The following SLC24A2 variants were observed in gnomAD, a reference collection of about 807,000 sequenced individuals.
SLC24A2 encodes sodium/potassium/calcium exchanger 2.
SLC24A2 carries 36 observed loss-of-function variants against 62.0 expected under a neutral mutation model. The ratio of observed to expected loss-of-function variants is 0.58; its 90% CI spans 0.44 to 0.77. The LOEUF (loss-of-function observed/expected upper bound fraction) is 0.77. Among genes scored for constraint, SLC24A2 ranks in the 30% least tolerant of loss-of-function variants. SLC24A2 has a pLI of 0.00. For missense variants in SLC24A2, 846 were observed against 817.9 expected (o/e 1.03, Z -0.42); for synonymous variants, 358 against 294.0 (o/e 1.22, Z -2.23).
chr9:19,754,358 C>T (rs748757374), intron 2 of SLC24A2, among the ~76,000 whole-genome samples: 3 of 152,174 alleles, frequency 2.0e-5, no homozygotes, highest in Non-Finnish European at 4.4e-5. Flanking sequence ...CTCATGACAG[C>T]CTGGCCAGCC....
the SLC24A2 span, among the ~76,000 whole-genome samples, chr9:20,212,901 C>T: frequency 1.3e-5 from 2 of 151,694 alleles, no homozygotes; most frequent in Non-Finnish European, 2.9e-5. Context: ...AATTAATATC[C>T]TCAGCAATTC....
At chr9:19,850,345 G>C in the SLC24A2 span, among the ~76,000 whole-genome samples, 1 of 152,018 alleles carries the variant, frequency 6.6e-6, no homozygotes, top group Non-Finnish European at 1.5e-5. Flanking sequence ...AAAAGTTCAG[G>C]AGTAGAACAT....
chr9:19,696,245 G>A (rs72702452), intron 2 of SLC24A2, among the ~76,000 whole-genome samples: 7 of 152,110 alleles, frequency 4.6e-5, no homozygotes, highest in Non-Finnish European at 7.4e-5. Flanking sequence ...CCCCAACCTC[G>A]GTCTGTGGAA....
the SLC24A2 span, among the ~76,000 whole-genome samples, chr9:20,205,553 A>C: frequency 6.9e-6 from 1 of 145,848 alleles, no homozygotes; most frequent in Admixed American, 6.9e-5. Flanking sequence ...CAGGAGGCTG[A>C]GGCAGGAGAT....
At chr9:19,798,511 A>G in the SLC24A2 span, among the ~76,000 whole-genome samples, 1 of 152,142 alleles carries the variant, frequency 6.6e-6, no homozygotes, top group South Asian at 2.1e-4. Flanking sequence ...ATTTTTACAA[A>G]GAGGGCCTAT....
the SLC24A2 span, among the ~76,000 whole-genome samples, chr9:20,199,228 A>C: frequency 3.9e-5 from 6 of 152,342 alleles, no homozygotes; most frequent in African/African-American, 1.4e-4. Flanking sequence ...GTCCATTTCA[A>C]CTTCATCTGT....
chr9:20,124,857 G>T, the SLC24A2 span, among the ~76,000 whole-genome samples: 1 of 152,110 alleles, frequency 6.6e-6, no homozygotes, highest in African/African-American at 2.4e-5. Flanking sequence ...AAGAATATTG[G>T]GTAGCCCAAG....
intron 2 of SLC24A2, among the ~76,000 whole-genome samples, chr9:19,687,967 A>T (rs1819933349): frequency 6.6e-6 from 1 of 152,046 alleles, no homozygotes; most frequent in Admixed American, 6.6e-5. Flanking sequence ...AACACTCTGT[A>T]CTTTCCAGTA....
chr9:20,187,504 C>T, the SLC24A2 span, among the ~76,000 whole-genome samples: 1 of 152,222 alleles, frequency 6.6e-6, no homozygotes, highest in Non-Finnish European at 1.5e-5. Flanking sequence ...TCATGCCCTT[C>T]CTCTATTCTT....
the SLC24A2 span, among the ~76,000 whole-genome samples, chr9:19,951,426 T>C: frequency 6.6e-6 from 1 of 152,180 alleles, no homozygotes; most frequent in African/African-American, 2.4e-5. Flanking sequence ...TAAGAAATAT[T>C]TGCTTAACCT....
At chr9:19,605,292 A>G (rs1028587049) in intron 4 of SLC24A2, among the ~76,000 whole-genome samples, 1 of 152,192 alleles carries the variant, frequency 6.6e-6, no homozygotes, top group Non-Finnish European at 1.5e-5. Context: ...GGAAAGATAC[A>G]TTTTTTAGTC....
the SLC24A2 span, among the ~76,000 whole-genome samples, chr9:20,060,923 A>G: frequency 6.6e-6 from 1 of 152,162 alleles, no homozygotes; most frequent in East Asian, 1.9e-4. Flanking sequence ...ATTAAAAAAA[A>G]TAATTTCATT....
chr9:20,245,245 A>G, the SLC24A2 span, among the ~76,000 whole-genome samples: 1 of 152,198 alleles, frequency 6.6e-6, no homozygotes, highest in Non-Finnish European at 1.5e-5. Context: ...ATACCAAGTG[A>G]CAGGTGCTAT....
chr9:19,562,066 T>A (rs2132807276), intron 7 of SLC24A2, among the ~76,000 whole-genome samples: 2 of 152,316 alleles, frequency 1.3e-5, no homozygotes, highest in Middle Eastern at 6.8e-3. Flanking sequence ...GCAACTGTTA[T>A]CCCTCACTTT....
intron 8 of SLC24A2, among the ~76,000 whole-genome samples, chr9:19,531,830 T>A (rs1264721627): frequency 6.6e-6 from 1 of 152,066 alleles, no homozygotes; most frequent in Non-Finnish European, 1.5e-5. Flanking sequence ...AAGCTTAGGT[T>A]TCTTCATCTG....
At chr9:19,920,215 T>C in the SLC24A2 span, among the ~76,000 whole-genome samples, 3 of 152,284 alleles carry the variant, frequency 2.0e-5, no homozygotes, top group South Asian at 2.1e-4. Flanking sequence ...ATCTCCTCCA[T>C]TACCCAGAAT....
At chr9:19,743,347 G>A (rs750522967) in intron 2 of SLC24A2, among the ~76,000 whole-genome samples, 13 of 152,214 alleles carry the variant, frequency 8.5e-5, no homozygotes, top group South Asian at 2.1e-4. Context: ...TTAATTAGCT[G>A]CTTTTTAAGG....
the SLC24A2 span, among the ~76,000 whole-genome samples, chr9:19,900,193 C>A: frequency 1.3e-5 from 2 of 152,190 alleles, no homozygotes; most frequent in Admixed American, 1.3e-4. Flanking sequence ...CTGCTTCTAT[C>A]TTTATGAGCT....
intron 7 of SLC24A2, among the ~76,000 whole-genome samples, chr9:19,569,254 G>A (rs571471133): frequency 1.1e-3 from 163 of 152,280 alleles, no homozygotes; most frequent in African/African-American, 3.7e-3. Context: ...CTCATGGGTC[G>A]TACAGAAACA....
Sources: allele counts gnomAD v4.1 joint callset (sites outside exome capture counted in the v4.1 genomes callset), GRCh38; gene constraint gnomAD v4.1.1; transcripts MANE v1.5; gene names NCBI Gene and HGNC (gene_info 2026-07-23, HGNC 2026-07-21).